IL2RB: variants seen among roughly 807,000 people sequenced by gnomAD.
IL2RB encodes the protein interleukin 2 receptor subunit beta, also known as interleukin-2 receptor subunit beta.
IL2RB carries 17 observed loss-of-function variants against 44.2 expected under a neutral mutation model. The observed-to-expected ratio is 0.38, with a 90% CI of 0.26 to 0.58. The LOEUF (loss-of-function observed/expected upper bound fraction) is 0.58. IL2RB is among the 20% of genes least tolerant of loss of function. The probability of loss-of-function intolerance (pLI) is 0.63; values close to 1 mark genes in which losing one functional copy is unlikely to be tolerated. For missense variants in IL2RB, 624 were observed against 685.5 expected, an observed-to-expected ratio of 0.91 and a Z score of 1.00; for synonymous variants, 286 against 297.9, an observed-to-expected ratio of 0.96 and a Z score of 0.41.
At chr22:37,163,851 C>A (rs891075063) in intron 1 of IL2RB, among the ~76,000 whole-genome samples, 4 of 152,248 alleles carry the variant, frequency 2.6e-5, no homozygotes, top group African/African-American at 9.6e-5. Flanking sequence ...AGGCTTGTCA[C>A]CCTCTTACTG....
At chr22:37,165,772 G>A (rs1448162273) in intron 1 of IL2RB, among the ~76,000 whole-genome samples, 3 of 152,108 alleles carry the variant, frequency 2.0e-5, no homozygotes, top group Non-Finnish European at 4.4e-5. Context: ...GGCCTACCCA[G>A]GGCAAGTGCC....
chr22:37,156,095 G>A (rs949385956), intron 1 of IL2RB, among the ~76,000 whole-genome samples: 1 of 152,158 alleles, frequency 6.6e-6, no homozygotes, highest in African/African-American at 2.4e-5. Flanking sequence ...CTTGGCCCTT[G>A]CGCTCAGCCT....
Position 37,128,086 on chromosome 22 carries a change from G to A in IL2RB, c.*10C>T. 6.6e-7 allele frequency: 1 copy of A among 1,516,318 alleles called. No homozygotes were observed. Among genetic ancestry groups the A allele is most frequent in the Non-Finnish European group, 8.8e-7 (1 of 1,138,714 alleles). 93.9% of individuals were successfully genotyped at this position (1,516,318 alleles called of 1,614,324 possible). A position where few individuals can be genotyped will look rare whatever the true frequency, so the allele number is the denominator to read the frequency against. On this transcript the variant is annotated 3_prime_UTR_variant, in exon 10 of 10. Transcript: ENST00000216223. The surrounding 1 kb of genome is among the most constrained non-coding windows in gnomAD (Gnocchi z 4.5). ...CAGGCAGCTGCCTGCCTCCCACCCTGGCCATCTGTCTACACCAAGTGAGTT... is the reference window on the plus strand; with the variant it reads ...CAGGCAGCTGCCTGCCTCCCACCCTAGCCATCTGTCTACACCAAGTGAGTT...
At chr22:37,145,363 G>A (rs540275993) in intron 1 of IL2RB, among the ~76,000 whole-genome samples, 3 of 152,166 alleles carry the variant, frequency 2.0e-5, no homozygotes, top group Non-Finnish European at 4.4e-5. Flanking sequence ...CTGTCAGAGG[G>A]AGGCTCAAAA....
intron 1 of IL2RB, among the ~76,000 whole-genome samples, chr22:37,160,605 G>C (rs1173184189): frequency 6.6e-6 from 1 of 151,622 alleles, no homozygotes; most frequent in Non-Finnish European, 1.5e-5. Context: ...AACGTGAAAG[G>C]CCAAGGCGGG....
intron 1 of IL2RB, among the ~76,000 whole-genome samples, chr22:37,156,607 G>A (rs540853618): frequency 6.6e-6 from 1 of 152,176 alleles, no homozygotes. Context: ...AGAGAGGGAG[G>A]GCTTGCCTCT....
chr22:37,170,994 T>A (rs894401224), intron 1 of IL2RB, among the ~76,000 whole-genome samples: 3 of 151,954 alleles, frequency 2.0e-5, no homozygotes, highest in African/African-American at 7.3e-5. Flanking sequence ...TTTTTTTGGG[T>A]GGGGAGGGGG....
chr22:37,165,406 C>T (rs1923032855), intron 1 of IL2RB, among the ~76,000 whole-genome samples: 1 of 152,162 alleles, frequency 6.6e-6, no homozygotes, highest in African/African-American at 2.4e-5. Context: ...ATGATTTTCC[C>T]AGGCATGGAA....
chr22:37,128,634 A>G lies in IL2RB; in HGVS notation c.1118T>C (p.Leu373Ser). 1 of 1,614,088 alleles carries G rather than the reference A, an allele frequency of 6.2e-7. No homozygotes were observed. The highest frequency in any genetic ancestry group is 1.1e-5 in the South Asian group (1 of 91,086). The stretch of plus-strand genomic sequence containing the variant: ...GTACACCTGGCAGGCCTCTATCTCC[A>G]AGGCATCCGGGAGGTGGAAGAAGAA... ...GYFFFHLPDA[L>S]EIEACQVYFT... Residue 373 changes from leucine to serine, a missense_variant, in exon 10 of 10, where the codon TTG becomes TCG. Leu to Ser is a moderately radical substitution (Grantham distance 145). Transcript: ENST00000216223. The surrounding 1 kb of genome is among the most constrained non-coding windows in gnomAD (Gnocchi z 4.5).
chr22:37,143,995 GCCCCATCCC>G, intron 2 of IL2RB, 81 bp downstream of exon 2: 1 of 1,530,246 alleles, frequency 6.5e-7, no homozygotes, highest in Non-Finnish European at 8.8e-7. Context: ...CTGGTCTCTG[GCCCCATCCC>G]CTTCTGGGAA....
chr22:37,151,671 T>A (rs2146255397), upstream of IL2RB, among the ~76,000 whole-genome samples: 1 of 152,328 alleles, frequency 6.6e-6, no homozygotes, highest in Non-Finnish European at 1.5e-5. Flanking sequence ...CCAATGTTCC[T>A]TTTAGTAGTT....
chr22:37,145,647 C>T (rs1922187965), intron 1 of IL2RB, among the ~76,000 whole-genome samples: 1 of 151,742 alleles, frequency 6.6e-6, no homozygotes, highest in Admixed American at 6.6e-5. Flanking sequence ...GTGTTTGGAG[C>T]AGGCAAAGGG....
At position 37,139,173 on chromosome 22, in the gene IL2RB, C is replaced by A; in HGVS notation, c.332G>T (p.Arg111Leu). ...VDIVTLRVLC[R>L]EGVRWRVMAI... Reference sequence around the variant, plus strand: ...CATCACCCTCCATCGCACCCCCTCACGGCACAGCACCCTCAGGGTGACGAT... The same window carrying A: ...CATCACCCTCCATCGCACCCCCTCAAGGCACAGCACCCTCAGGGTGACGAT... Residue 111 changes from arginine (R) to leucine (L), a missense_variant, in exon 5 of 10, where the codon CGT becomes CTT. This residue lies in a region of IL2RB where 255 missense variants were observed against 339.9 expected (regional missense o/e 0.75). Transcript: ENST00000216223. 2 of 1,613,972 alleles carry A rather than the reference C, an allele frequency of 1.2e-6. No individual in the cohort carries two copies. Among genetic ancestry groups the A allele is most frequent in the South Asian group, 2.2e-5 (2 of 91,052 alleles).
chr22:37,164,147 C>T (rs1005123860), intron 1 of IL2RB, among the ~76,000 whole-genome samples: 2 of 152,190 alleles, frequency 1.3e-5, no homozygotes, highest in Non-Finnish European at 2.9e-5. Context: ...GCCATGTAGC[C>T]TGTCAACACA....
chr22:37,150,271 C>A (rs1569049662), upstream of IL2RB, among the ~76,000 whole-genome samples: 1 of 152,136 alleles, frequency 6.6e-6, no homozygotes, highest in African/African-American at 2.4e-5. Flanking sequence ...CGGTCACACA[C>A]ATACCCACTA....
intron 3 of IL2RB, among the ~76,000 whole-genome samples, chr22:37,142,916 T>C (rs1922037999): frequency 6.9e-6 from 1 of 144,884 alleles, no homozygotes. Context: ...CCCCTCCATC[T>C]CCCTCCCCAT....
intron 1 of IL2RB, among the ~76,000 whole-genome samples, chr22:37,163,816 A>G (rs1922965974): frequency 6.6e-6 from 1 of 152,216 alleles, no homozygotes; most frequent in African/African-American, 2.4e-5. Context: ...AGCAAACCTG[A>G]AAGCAGCAGG....
intron 1 of IL2RB, among the ~76,000 whole-genome samples, chr22:37,146,589 C>A (rs1048840791): frequency 1.3e-5 from 2 of 152,324 alleles, no homozygotes; most frequent in South Asian, 4.1e-4. Context: ...GGCCCTCATG[C>A]CTTTTTCCAT....
chr22:37,126,202 C>T lies in IL2RB; in HGVS notation c.*1894G>A, dbSNP rs932554317. ...AACACACAGCAAAGGTGTGGAGCCC[C>T]TTGTGGTCTGAAACATTCAGGACCC... On this transcript the variant is annotated 3_prime_UTR_variant, in exon 10 of 10. Coordinates refer to ENST00000216223, the MANE Select transcript of IL2RB (RefSeq NM_000878.5). The T allele has an allele frequency of 2.6e-5, 4 of 152,140 alleles. No individual in the cohort carries two copies. Among genetic ancestry groups the T allele is most frequent in the Non-Finnish European group, 5.9e-5 (4 of 68,014 alleles). 9.4% of individuals were successfully genotyped at this position (152,140 alleles called of 1,614,324 possible).
Sources: allele counts gnomAD v4.1 joint callset (sites outside exome capture counted in the v4.1 genomes callset), GRCh38; gene constraint gnomAD v4.1.1; regional missense constraint gnomAD v4.1.1; non-coding constraint Gnocchi (gnomAD v3.1); transcripts MANE v1.5; gene names NCBI Gene and HGNC (gene_info 2026-07-23, HGNC 2026-07-21).